Variants in PIAS1 observed in about 807,000 individuals in gnomAD.
PIAS1 encodes protein inhibitor of activated STAT 1, also known as E3 SUMO-protein ligase PIAS1.
In PIAS1, 6 loss-of-function variants were observed where a neutral mutation model predicts 71.3. That is an observed-to-expected ratio of 0.08 (90% CI 0.05 to 0.17). The LOEUF (loss-of-function observed/expected upper bound fraction) is 0.17. Among genes scored for constraint, PIAS1 ranks in the 10% least tolerant of loss-of-function variants. The pLI is 1.00. For missense variants in PIAS1, 555 were observed against 793.6 expected, an observed-to-expected ratio of 0.70 and a Z score of 3.61; for synonymous variants, 303 against 292.9, an observed-to-expected ratio of 1.03 and a Z score of -0.35.
intron 2 of PIAS1, among the ~76,000 whole-genome samples, chr15:68,103,517 T>A (rs1023856028): frequency 8.5e-5 from 13 of 152,170 alleles, no homozygotes; most frequent in Admixed American, 2.6e-4. Flanking sequence ...TTGGTTTTAC[T>A]ATATCCACAG....
chr15:68,150,158 CTT>C (rs2092835310), intron 6 of PIAS1, among the ~76,000 whole-genome samples: 1 of 151,878 alleles, frequency 6.6e-6, no homozygotes, highest in South Asian at 2.1e-4. Flanking sequence ...TTGGAGTTCC[CTT>C]TTTCCTCCTT....
intron 2 of PIAS1, among the ~76,000 whole-genome samples, chr15:68,116,895 T>C (rs1420015313): frequency 6.6e-6 from 1 of 152,168 alleles, no homozygotes; most frequent in Admixed American, 6.5e-5. Flanking sequence ...ATAGTTCTTG[T>C]TTTTTAAACT....
intron 6 of PIAS1, among the ~76,000 whole-genome samples, chr15:68,149,834 T>C (rs1035317711): frequency 2.0e-5 from 3 of 152,180 alleles, no homozygotes; most frequent in African/African-American, 7.2e-5. Context: ...CATTTATTTC[T>C]TGTTCTACTA....
At chr15:68,105,057 C>T (rs1400895881) in intron 2 of PIAS1, among the ~76,000 whole-genome samples, 1 of 152,240 alleles carries the variant, frequency 6.6e-6, no homozygotes, top group Non-Finnish European at 1.5e-5. Flanking sequence ...TCTGATGACT[C>T]CATTGAGAAT....
intron 2 of PIAS1, among the ~76,000 whole-genome samples, chr15:68,108,252 A>G (rs541413487): frequency 1.4e-3 from 212 of 152,166 alleles, no homozygotes; most frequent in African/African-American, 4.7e-3. Flanking sequence ...CTTTTGCTTC[A>G]TTCAATCCAC....
chr15:68,184,570 T>C (rs1343055824), intron 13 of PIAS1: 1 of 152,208 alleles, frequency 6.6e-6, no homozygotes, highest in Admixed American at 6.5e-5. Flanking sequence ...GTTTAAACGA[T>C]TGAAGAATCA....
chr15:68,164,875 C>A (rs1231638778), intron 8 of PIAS1, 71 bp downstream of exon 8: 1 of 821,204 alleles, frequency 1.2e-6, no homozygotes, highest in Non-Finnish European at 2.0e-6. Flanking sequence ...AGTATTTTTA[C>A]TATTTGAGAA....
intron 1 of PIAS1, among the ~76,000 whole-genome samples, chr15:68,061,046 T>C (rs1423968286): frequency 6.6e-6 from 1 of 152,272 alleles, no homozygotes; most frequent in Non-Finnish European, 1.5e-5. Context: ...AAAAAACCTT[T>C]ATGAGTTAAA....
intron 2 of PIAS1, among the ~76,000 whole-genome samples, chr15:68,095,819 C>T (rs564001401): frequency 1.3e-5 from 2 of 152,292 alleles, no homozygotes; most frequent in South Asian, 4.1e-4. Flanking sequence ...GCGTGAGCCA[C>T]CACGCCTGGC....
At chr15:68,058,265 G>T (rs910809900) in intron 1 of PIAS1, among the ~76,000 whole-genome samples, 13 of 152,258 alleles carry the variant, frequency 8.5e-5, no homozygotes, top group Middle Eastern at 3.4e-3. Context: ...TTTGACTCTG[G>T]CATGAAGCAT....
At chr15:68,152,686 C>T (rs888125672) in intron 6 of PIAS1, among the ~76,000 whole-genome samples, 1 of 152,158 alleles carries the variant, frequency 6.6e-6, no homozygotes, top group African/African-American at 2.4e-5. Flanking sequence ...CTATAAAATA[C>T]AAGATGGCAG....
intron 7 of PIAS1, among the ~76,000 whole-genome samples, chr15:68,157,610 C>G (rs2092899570): frequency 6.6e-6 from 1 of 152,182 alleles, no homozygotes; most frequent in Non-Finnish European, 1.5e-5. Context: ...CCACTTTCTC[C>G]TTGAAATTCT....
chr15:68,087,507 C>T (rs1211590385), intron 2 of PIAS1, among the ~76,000 whole-genome samples: 1 of 152,118 alleles, frequency 6.6e-6, no homozygotes, highest in Non-Finnish European at 1.5e-5. Context: ...GGTTTGTTGG[C>T]ATACTACGGC....
intron 11 of PIAS1, among the ~76,000 whole-genome samples, chr15:68,180,923 T>C (rs2093050185): frequency 6.6e-6 from 1 of 152,210 alleles, no homozygotes. Context: ...ACCTTTCTCT[T>C]GCATTTTGAA....
chr15:68,120,934 C>T (rs1003373478), intron 2 of PIAS1, among the ~76,000 whole-genome samples: 20 of 152,180 alleles, frequency 1.3e-4, no homozygotes, highest in Non-Finnish European at 2.5e-4. Context: ...CCGGGCCTGA[C>T]CTACTTCTAT....
rs1274005728 is a variant in PIAS1 at position 68,134,405 on chromosome 15, G to A, written c.470-7541G>A. ...CCTCCCAGACAGGGCGGCTGGCCGG[G>A]CAGAGGGGCTCCTCACCACCCAGTA... On this transcript the variant is annotated intron_variant, in intron 2 of 13. Transcript: ENST00000249636. Among the ~76,000 whole-genome samples the A allele has an allele frequency of 5.6e-5, 3 of 53,740 alleles. 1 individual carries two copies. The highest frequency in any genetic ancestry group is 1.5e-4 in the Admixed American group (1 of 6,572). 35.3% of individuals were successfully genotyped at this position (53,740 alleles called of 152,430 possible).
Position 68,193,200 on chromosome 15 carries a change from A to G in PIAS1, c.*5365A>G, listed in dbSNP as rs1243513596. 6.6e-6 allele frequency: 1 copy of G among 152,350 alleles called. No homozygotes were observed. The highest frequency in any genetic ancestry group is 2.4e-5 in the African/African-American group (1 of 41,466). The allele number at this position is 152,350 out of a possible 1,614,324, so 9.4% of individuals were successfully genotyped here. On this transcript the variant is annotated 3_prime_UTR_variant, in exon 14 of 14. Coordinates refer to ENST00000249636, the MANE Select transcript of PIAS1 (RefSeq NM_016166.3). ...TGCCTGTTAACAGAGCCCAGGGAAC[A>G]GCTCGGAATTCTCACAGCATTGGAA...
chr15:68,063,747 G>C (rs957004107), intron 1 of PIAS1, among the ~76,000 whole-genome samples: 1 of 151,930 alleles, frequency 6.6e-6, no homozygotes, highest in Admixed American at 6.6e-5. Context: ...GTTTTTCTGA[G>C]GGTTCTCCAG....
In PIAS1 at chr15:68,086,086, A is replaced by G. The variant is rs2092278896; in HGVS notation, c.25-220A>G. The stretch of plus-strand genomic sequence containing the variant: ...ACTTTATCCTATATTTCTTATAACC[A>G]AGGGTAGAAGTCAATGAATTTATGA... On this transcript the variant is annotated intron_variant, in intron 1 of 13. Coordinates refer to ENST00000249636, the MANE Select transcript of PIAS1 (RefSeq NM_016166.3). The surrounding 1 kb of genome is among the most constrained non-coding windows in gnomAD (Gnocchi z 7.2). Among the ~76,000 whole-genome samples the G allele has an allele frequency of 6.6e-6, 1 of 152,128 alleles. No homozygotes were observed. Among genetic ancestry groups the G allele is most frequent in the South Asian group, 2.1e-4 (1 of 4,830 alleles).
Sources: gnomAD v4.1 joint callset for allele counts (sites outside exome capture counted in the v4.1 genomes callset) on GRCh38, gnomAD v4.1.1 for gene constraint, Gnocchi (gnomAD v3.1) non-coding constraint, MANE v1.5 for transcripts, NCBI Gene and HGNC (gene_info 2026-07-23, HGNC 2026-07-21) for gene names.